Variants in KCNQ3 observed in about 807,000 individuals in gnomAD.
The protein encoded by KCNQ3 is potassium voltage-gated channel subfamily Q member 3, also known as potassium voltage-gated channel subfamily KQT member 3.
Under a neutral mutation model 92.5 loss-of-function variants are expected in KCNQ3, and 30 were observed. That is an observed-to-expected ratio of 0.32 (90% CI 0.24 to 0.44). KCNQ3 has a LOEUF of 0.44. Among genes scored for constraint, KCNQ3 ranks in the 20% least tolerant of loss-of-function variants. The pLI is 1.00. For synonymous variants in KCNQ3, 450 were observed against 468.8 expected, an observed-to-expected ratio of 0.96 and a Z score of 0.52; for missense variants, 913 against 1,140.3, an observed-to-expected ratio of 0.80 and a Z score of 2.87.
At chr8:132,165,179 T>C (rs1563782214) in intron 8 of KCNQ3, among the ~76,000 whole-genome samples, 1 of 152,196 alleles carries the variant, frequency 6.6e-6, no homozygotes, top group Non-Finnish European at 1.5e-5. Context: ...GTTCATGTCA[T>C]CTGGCTTCTG....
intron 1 of KCNQ3, among the ~76,000 whole-genome samples, chr8:132,422,492 G>A (rs1454199254): frequency 2.0e-5 from 3 of 152,100 alleles, no homozygotes; most frequent in Non-Finnish European, 4.4e-5. Context: ...ACCTGCTACT[G>A]TTCTCCCAAC....
rs565015208 is a variant in KCNQ3 at position 132,136,854 on chromosome 8, C to T, written c.1700+1031G>A. Among the ~76,000 whole-genome samples the T allele has an allele frequency of 3.9e-3, 575 of 148,616 alleles. 6 individuals are homozygous for T. Among genetic ancestry groups the T allele is most frequent in the African/African-American group, 0.014 (550 of 40,708 alleles). The stretch of plus-strand genomic sequence containing the variant: ...ACTTTTTCTAAATATTATTTTACGG[C>T]TGCATAACTTTTTTTTTTTTTTTTT... On this transcript the variant is annotated intron_variant, in intron 12 of 14. Transcript: ENST00000388996.
At chr8:132,132,320 G>T in intron 13 of KCNQ3, 56 bp from the exon 14 acceptor site, 1 of 1,443,282 alleles carries the variant, frequency 6.9e-7, no homozygotes, top group East Asian at 2.3e-5. Context: ...GCTATGCAAG[G>T]TAATTTCGGC....
chr8:132,362,352 T>TTC (rs1819196208), intron 1 of KCNQ3, among the ~76,000 whole-genome samples: 1 of 152,188 alleles, frequency 6.6e-6, no homozygotes, highest in Non-Finnish European at 1.5e-5. Flanking sequence ...CTTTAATTCT[T>TTC]ACTATTTATC....
At chr8:132,406,301 A>G (rs758905308) in intron 1 of KCNQ3, among the ~76,000 whole-genome samples, 37 of 152,026 alleles carry the variant, frequency 2.4e-4, no homozygotes, top group Admixed American at 4.6e-4. Context: ...GAAGGAGGGG[A>G]CTCGGGAGGA....
At chr8:132,223,694 G>A (rs1451264875) in intron 1 of KCNQ3, among the ~76,000 whole-genome samples, 1 of 152,136 alleles carries the variant, frequency 6.6e-6, no homozygotes, top group African/African-American at 2.4e-5. Context: ...CATATAGTAT[G>A]CGTGGAGTAT....
At chr8:132,266,693 T>C (rs570071724) in intron 1 of KCNQ3, among the ~76,000 whole-genome samples, 4 of 152,284 alleles carry the variant, frequency 2.6e-5, no homozygotes, top group East Asian at 3.9e-4. Context: ...TCACGATCTC[T>C]GAAGGCCATG....
intron 1 of KCNQ3, among the ~76,000 whole-genome samples, chr8:132,202,776 C>A (rs987941524): frequency 1.3e-5 from 2 of 152,150 alleles, no homozygotes; most frequent in Admixed American, 1.3e-4. Flanking sequence ...CTCTGCCTCC[C>A]GGGTTCAAGC....
chr8:132,332,568 C>T (rs529117085), intron 1 of KCNQ3, among the ~76,000 whole-genome samples: 1 of 152,210 alleles, frequency 6.6e-6, no homozygotes, highest in South Asian at 2.1e-4. Flanking sequence ...CAGTGGGTTC[C>T]CCTATTCTCA....
Position 132,124,061 on chromosome 8 carries a change from A to G in KCNQ3, c.*5201T>C, listed in dbSNP as rs1233020238. On this transcript the variant is annotated 3_prime_UTR_variant, in exon 15 of 15. Transcript: ENST00000388996. ...CTCCTACACATCATCCAGATGGTGC[A>G]ACATCTGGTACTATATGTCCAATGG... The G allele has an allele frequency of 6.6e-6, 1 of 152,132 alleles. No individual in the cohort carries two copies. The highest frequency in any genetic ancestry group is 1.5e-5 in the Non-Finnish European group (1 of 68,044). 9.4% of individuals were successfully genotyped at this position (152,132 alleles called of 1,614,324 possible).
chr8:132,421,265 C>T (rs960596114), intron 1 of KCNQ3, among the ~76,000 whole-genome samples: 2 of 151,908 alleles, frequency 1.3e-5, no homozygotes, highest in Non-Finnish European at 2.9e-5. Flanking sequence ...CACATAGAAG[C>T]TCTCAGGAAA....
chr8:132,452,934 TA>T (rs1821855326), intron 1 of KCNQ3, among the ~76,000 whole-genome samples: 1 of 152,172 alleles, frequency 6.6e-6, no homozygotes. Context: ...GACAAATCAG[TA>T]AATAAACATG....
At chr8:132,418,946 G>A (rs1055297189) in intron 1 of KCNQ3, among the ~76,000 whole-genome samples, 14 of 152,150 alleles carry the variant, frequency 9.2e-5, no homozygotes, top group South Asian at 4.2e-4. Flanking sequence ...GCCATGTGAC[G>A]TAAAGCAAGT....
intron 1 of KCNQ3, among the ~76,000 whole-genome samples, chr8:132,347,406 T>C (rs577780831): frequency 6.6e-6 from 1 of 152,300 alleles, no homozygotes; most frequent in South Asian, 2.1e-4. Context: ...TTGCTAATGC[T>C]CCCATTCTTG....
At chr8:132,451,238 G>C (rs532363977) in intron 1 of KCNQ3, among the ~76,000 whole-genome samples, 2 of 152,306 alleles carry the variant, frequency 1.3e-5, no homozygotes, top group South Asian at 2.1e-4. Context: ...ACGTGACTTT[G>C]CTTCTCCTTT....
At chr8:132,223,497 A>G (rs139091646) in intron 1 of KCNQ3, among the ~76,000 whole-genome samples, 2 of 152,336 alleles carry the variant, frequency 1.3e-5, no homozygotes, top group African/African-American at 4.8e-5. Context: ...GGGGCTATCA[A>G]TTTGTATTAG....
At chr8:132,182,397 C>T (rs1028175928) in intron 3 of KCNQ3, among the ~76,000 whole-genome samples, 1 of 152,210 alleles carries the variant, frequency 6.6e-6, no homozygotes, top group Admixed American at 6.5e-5. Flanking sequence ...CATCCTCTTT[C>T]CCATAGGGCC....
intron 1 of KCNQ3, among the ~76,000 whole-genome samples, chr8:132,410,678 TTCACTACAGC>T (rs1563900832): frequency 3.3e-5 from 5 of 152,220 alleles, no homozygotes; most frequent in African/African-American, 1.2e-4. Context: ...AACGTTACCT[TTCACTACAGC>T]TCTGCAGAAA....
At chr8:132,396,941 T>TGTGTGTGC (rs1315869084) in intron 1 of KCNQ3, among the ~76,000 whole-genome samples, 2 of 143,806 alleles carry the variant, frequency 1.4e-5, no homozygotes, top group Admixed American at 1.4e-4. Flanking sequence ...ATAAAAATTG[T>TGTGTGTGC]GTGTGTGCGT....
Sources: gnomAD v4.1 joint callset for allele counts (sites outside exome capture counted in the v4.1 genomes callset) on GRCh38, gnomAD v4.1.1 for gene constraint, MANE v1.5 for transcripts, NCBI Gene and HGNC (gene_info 2026-07-23, HGNC 2026-07-21) for gene names.